The following DZANK1 variants were observed in gnomAD, a reference collection of about 807,000 sequenced individuals.
DZANK1 encodes double zinc ribbon and ankyrin repeat domains 1.
Under a neutral mutation model 94.5 loss-of-function variants are expected in DZANK1, and 91 were observed. The ratio of observed to expected loss-of-function variants is 0.96; its 90% CI spans 0.81 to 1.15. The LOEUF (loss-of-function observed/expected upper bound fraction) is 1.15. Ranked by LOEUF, DZANK1 falls within the 50% of genes most tolerant of loss-of-function variation. The pLI is 0.00. For missense variants in DZANK1, 903 were observed against 916.4 expected (o/e 0.99, Z 0.19); for synonymous variants, 312 against 325.3 (o/e 0.96, Z 0.44).
At chr20:18,426,976 C>T (rs1555873702) in intron 10 of DZANK1, 91 bp downstream of exon 10, 3 of 945,166 alleles carry the variant, frequency 3.2e-6, no homozygotes, top group Admixed American at 6.1e-5. Flanking sequence ...GTCTCTCTCC[C>T]CAACCCCCTC....
chr20:18,422,604 G>A (rs1206721190), intron 10 of DZANK1, among the ~76,000 whole-genome samples: 1 of 152,098 alleles, frequency 6.6e-6, no homozygotes, highest in Non-Finnish European at 1.5e-5. Flanking sequence ...TGTATAACGT[G>A]TATAAGAAAC....
exon 21 of DZANK1, chr20:18,383,874 C>T (rs1410767594): frequency 6.6e-6 from 1 of 152,100 alleles, no homozygotes; most frequent in Non-Finnish European, 1.5e-5. Context: ...CAGCAATAAA[C>T]CATTAAAAAA....
intron 13 of DZANK1, among the ~76,000 whole-genome samples, chr20:18,409,012 G>A (rs2057100815): frequency 6.6e-6 from 1 of 152,006 alleles, no homozygotes; most frequent in South Asian, 2.1e-4. Context: ...AAAAAGCAGG[G>A]GGGATTAAAT....
chr20:18,450,550 T>A (rs1372354209), intron 6 of DZANK1, among the ~76,000 whole-genome samples: 2 of 152,266 alleles, frequency 1.3e-5, no homozygotes, highest in Admixed American at 1.3e-4. Flanking sequence ...ATTATGTTAT[T>A]ACACATAAAG....
intron 4 of DZANK1, 142 bp downstream of exon 4, chr20:18,455,105 T>A (rs1350804985): frequency 3.2e-6 from 2 of 618,112 alleles, no homozygotes; most frequent in Non-Finnish European, 5.6e-6. Context: ...GTAAAGATGC[T>A]TTGCAATGGT....
chr20:18,400,513 G>A (rs533753720), intron 13 of DZANK1, among the ~76,000 whole-genome samples: 60 of 152,300 alleles, frequency 3.9e-4, no homozygotes, highest in African/African-American at 1.3e-3. Flanking sequence ...GTTGGAGGCA[G>A]CAAAGTCAAG....
chr20:18,464,001 T>C (rs576117627), intron 2 of DZANK1, among the ~76,000 whole-genome samples: 5 of 152,148 alleles, frequency 3.3e-5, no homozygotes, highest in African/African-American at 1.2e-4. Flanking sequence ...TATGTGTAGA[T>C]ATACACACAT....
rs557125845 is a variant in DZANK1 at position 18,393,459 on chromosome 20, G to C, written c.1809+252C>G. 4.6e-5 allele frequency among the ~76,000 whole-genome samples: 7 copies of C among 152,272 alleles called. No homozygotes were observed. The East Asian group carries it at 1.4e-3, about 29-fold the overall frequency. On this transcript the variant is annotated intron_variant, in intron 17 of 20. Transcript: ENST00000262547. The stretch of plus-strand genomic sequence containing the variant: ...TATTTGAGGCAAACCAAAGTCGAAA[G>C]ATAGGCAGACAGAACTGACCCCAGA...
exon 9 of DZANK1, chr20:18,433,728 A>G (rs375255125): frequency 1.9e-6 from 3 of 1,614,064 alleles, no homozygotes; most frequent in Non-Finnish European, 2.5e-6. Context: ...GGGAGTGTTC[A>G]TGGGTACCAA....
chr20:18,421,624 C>G (rs2057781762), intron 10 of DZANK1, among the ~76,000 whole-genome samples: 1 of 152,208 alleles, frequency 6.6e-6, no homozygotes, highest in African/African-American at 2.4e-5. Context: ...AAGTCCAGAT[C>G]ACTTAGGACT....
At chr20:18,455,187 T>C (rs1293708935) in intron 4 of DZANK1, 60 bp downstream of exon 4, 1 of 1,321,036 alleles carries the variant, frequency 7.6e-7, no homozygotes, top group African/African-American at 1.5e-5. Context: ...ATCTGCTCAC[T>C]GAGAAAGAAG....
intron 9 of DZANK1, among the ~76,000 whole-genome samples, chr20:18,430,980 A>C (rs1007591619): frequency 2.6e-5 from 4 of 152,180 alleles, no homozygotes; most frequent in African/African-American, 9.7e-5. Context: ...GTTTCTGTGA[A>C]TCTAGAAAAA....
intron 17 of DZANK1, among the ~76,000 whole-genome samples, chr20:18,393,499 G>A (rs996090802): frequency 2.0e-5 from 3 of 152,198 alleles, no homozygotes; most frequent in Non-Finnish European, 4.4e-5. Context: ...ACACAGAGAT[G>A]ATTCAGGAAA....
intron 8 of DZANK1, among the ~76,000 whole-genome samples, chr20:18,440,415 T>G (rs901112074): frequency 1.3e-5 from 2 of 152,242 alleles, no homozygotes; most frequent in African/African-American, 4.8e-5. Flanking sequence ...AATGAATTTA[T>G]ACCAATTTCA....
chr20:18,465,368 C>T (rs1469577441), exon 2 of DZANK1: 3 of 1,426,278 alleles, frequency 2.1e-6, no homozygotes, highest in Non-Finnish European at 2.9e-6. Context: ...TTTTCTCTCT[C>T]TCTCTCTCTC....
rs200086932 is a variant in DZANK1 at position 18,452,489 on chromosome 20, C to A, written c.543+126G>T. Reference sequence around the variant, plus strand: ...GACTTTTCTTGTCCAGTACAGTATTCCCAGCACTAGAACAGTGCCTGGCAC... The same window carrying A: ...GACTTTTCTTGTCCAGTACAGTATTACCAGCACTAGAACAGTGCCTGGCAC... On this transcript the variant is annotated intron_variant, in intron 6 of 20. Coordinates refer to ENST00000262547, the Ensembl canonical transcript of DZANK1. The A allele has an allele frequency of 2.7e-5, 31 of 1,132,884 alleles. No individual in the cohort carries two copies. The East Asian group carries it at 8.2e-4, about 30-fold the overall frequency. 70.2% of individuals were successfully genotyped at this position (1,132,884 alleles called of 1,614,324 possible).
intron 14 of DZANK1, among the ~76,000 whole-genome samples, chr20:18,397,654 T>C (rs1315716398): frequency 1.3e-5 from 2 of 152,216 alleles, no homozygotes; most frequent in Non-Finnish European, 2.9e-5. Context: ...ATAGCAGAGA[T>C]AGCTTGTCTT....
At chr20:18,400,136 C>A (rs1207450094) in intron 13 of DZANK1, among the ~76,000 whole-genome samples, 6 of 152,084 alleles carry the variant, frequency 3.9e-5, no homozygotes, top group Non-Finnish European at 8.8e-5. Context: ...GACAAGAGAA[C>A]CTAAGTGTTC....
In DZANK1 at chr20:18,427,135, C is replaced by T. The variant is rs776477036; in HGVS notation, c.886G>A (p.Gly296Ser). The change falls in exon 10 of 21, where the codon GGT becomes AGT. Residue 296 changes from glycine to serine, a missense_variant. Physicochemically the swap from Gly to Ser is moderately conservative, Grantham distance 56. Transcript: ENST00000262547. ...CTCAGGTGAGCAGGATTTCCTGTAC[C>T]ACAGGCCCGGCAAATTACCTTCTCC... The T allele has an allele frequency of 3.2e-5, 52 of 1,612,568 alleles. 1 individual carries two copies. In the Admixed American group the frequency reaches 8.0e-4, roughly 25 times the overall value.
Sources: allele counts gnomAD v4.1 joint callset (sites outside exome capture counted in the v4.1 genomes callset), GRCh38; gene constraint gnomAD v4.1.1; transcripts MANE v1.5; gene names NCBI Gene and HGNC (gene_info 2026-07-23, HGNC 2026-07-21).